The following PRKDC variants were observed in gnomAD, a reference collection of about 807,000 sequenced individuals.
The protein encoded by PRKDC is DNA-dependent protein kinase catalytic subunit.
PRKDC carries 82 observed loss-of-function variants against 486.9 expected under a neutral mutation model. That is an observed-to-expected ratio of 0.17 (90% confidence interval 0.14 to 0.20). PRKDC has a LOEUF of 0.20. Among genes scored for constraint, PRKDC ranks in the 10% least tolerant of loss-of-function variants. The pLI, the probability that PRKDC is intolerant of heterozygous loss-of-function variation, is 1.00. For synonymous variants in PRKDC, 1,895 were observed against 1,837.0 expected, an observed-to-expected ratio of 1.03 and a Z score of -0.81; for missense variants, 4,504 against 5,038.2, an observed-to-expected ratio of 0.89 and a Z score of 3.21.
At chr8:47,853,393 C>T (rs1211212181) in intron 51 of PRKDC, among the ~76,000 whole-genome samples, 2 of 152,192 alleles carry the variant, frequency 1.3e-5, no homozygotes, top group African/African-American at 2.4e-5. Flanking sequence ...GGGGCCAACA[C>T]GGAGGACCAA....
At position 47,776,864 on chromosome 8, in the gene PRKDC, G is replaced by C. The variant is rs1563728267; in HGVS notation, c.12162C>G (p.Ala4054=). 6.2e-7 allele frequency: 1 copy of C among 1,613,632 alleles called. No individual in the cohort carries two copies. The highest frequency in any genetic ancestry group is 8.5e-7 in the Non-Finnish European group (1 of 1,179,838). Reference sequence around the variant, plus strand: ...CTTACCAAGTAATGACTGCTGGATTGGCACCTGCTAACTTTCTCTTAGCGT... The same window carrying C: ...CTTACCAAGTAATGACTGCTGGATTCGCACCTGCTAACTTTCTCTTAGCGT... The part of the protein sequence containing the change: ...ICYAKRKLAG[A]NPAVITCDEL... The change falls in exon 85 of 86, where the codon GCC becomes GCG. Residue 4054 remains alanine, a synonymous_variant. Transcript: ENST00000314191.
intron 27 of PRKDC, among the ~76,000 whole-genome samples, chr8:47,901,793 G>A (rs1332136811): frequency 6.6e-6 from 1 of 152,132 alleles, no homozygotes; most frequent in African/African-American, 2.4e-5. Context: ...ACATGTGCAG[G>A]ATGTGAGGTT....
chr8:47,820,897 A>C lies in PRKDC; in HGVS notation c.9158T>G (p.Leu3053Arg). Residue 3053 changes from leucine (L) to arginine (R), a missense_variant, in exon 66 of 86, where the codon CTC becomes CGC. Leu to Arg is a moderately radical substitution (Grantham distance 102). Around this residue, in one of 6 missense-constraint regions of PRKDC, gnomAD observed 1,592 missense variants for 1,724.6 expected, o/e 0.92. Transcript: ENST00000314191. Reference sequence around the variant, plus strand: ...CAGGGACTGGTCAGCCTCTCCCTGGAGCAGCAGCTTCAGCTTGCTGCGGAT... The same window carrying C: ...CAGGGACTGGTCAGCCTCTCCCTGGCGCAGCAGCTTCAGCTTGCTGCGGAT... Reference protein sequence around the residue: ...YMIRSKLKLLLQGEADQSLLT... With the variant: ...YMIRSKLKLLRQGEADQSLLT... 1 of 1,608,834 alleles carries C rather than the reference A, an allele frequency of 6.2e-7. No individual in the cohort carries two copies.
chr8:47,937,593 T>G (rs983919238), intron 11 of PRKDC, among the ~76,000 whole-genome samples: 4 of 152,248 alleles, frequency 2.6e-5, no homozygotes, highest in Non-Finnish European at 4.4e-5. Flanking sequence ...CTAGGACTTC[T>G]GAATCTAGTC....
At chr8:47,791,292 T>C (rs1015480128) in intron 74 of PRKDC, among the ~76,000 whole-genome samples, 1 of 151,990 alleles carries the variant, frequency 6.6e-6, no homozygotes, top group African/African-American at 2.4e-5. Flanking sequence ...CTGGCCAACA[T>C]GGTGAAACCC....
At chr8:47,953,535 G>T in intron 7 of PRKDC, 85 bp downstream of exon 7, 2 of 1,269,236 alleles carry the variant, frequency 1.6e-6, no homozygotes, top group Non-Finnish European at 2.2e-6. Flanking sequence ...TTCAGGATTG[G>T]TTAAGAGTTC....
chr8:47,862,278 T>C, intron 43 of PRKDC, 95 bp downstream of exon 43: 1 of 1,409,502 alleles, frequency 7.1e-7, no homozygotes, highest in Non-Finnish European at 9.7e-7. Context: ...ACATCTTTAA[T>C]ATAAGATGGT....
chr8:47,859,553 T>A, intron 46 of PRKDC, 58 bp downstream of exon 46: 1 of 1,570,734 alleles, frequency 6.4e-7, no homozygotes, highest in Non-Finnish European at 8.7e-7. Context: ...GGCATAGCTG[T>A]GACCCCCTTT....
intron 12 of PRKDC, among the ~76,000 whole-genome samples, 176 bp from the exon 13 acceptor site, chr8:47,936,076 C>T (rs932796731): frequency 2.0e-5 from 3 of 151,828 alleles, no homozygotes; most frequent in Non-Finnish European, 4.4e-5. Context: ...AAAAAAAACA[C>T]ACACTCAGAG....
At chr8:47,957,491 C>T in intron 1 of PRKDC, 60 bp from the exon 2 acceptor site, 1 of 1,306,006 alleles carries the variant, frequency 7.7e-7, no homozygotes, top group Admixed American at 2.2e-5. Context: ...GTAAACCACT[C>T]CTAAAGGGGT....
At chr8:47,799,610 C>T (rs1465846612) in intron 71 of PRKDC, among the ~76,000 whole-genome samples, 1 of 152,092 alleles carries the variant, frequency 6.6e-6, no homozygotes, top group East Asian at 1.9e-4. Flanking sequence ...AAATGCAAGC[C>T]CAGCGCGGGC....
At chr8:47,844,879 A>G (rs1011057503) in intron 54 of PRKDC, among the ~76,000 whole-genome samples, 2 of 152,190 alleles carry the variant, frequency 1.3e-5, no homozygotes, top group Non-Finnish European at 2.9e-5. Context: ...AAATGCTGGA[A>G]AGACCTCAAA....
intron 73 of PRKDC, among the ~76,000 whole-genome samples, chr8:47,796,292 T>C (rs1227508215): frequency 1.3e-5 from 2 of 150,798 alleles, no homozygotes; most frequent in African/African-American, 4.9e-5. Flanking sequence ...CGAGCCGAGA[T>C]CACGCCACTG....
At chr8:47,835,024 A>G (rs895680288) in intron 58 of PRKDC, among the ~76,000 whole-genome samples, 6 of 152,104 alleles carry the variant, frequency 3.9e-5, no homozygotes, top group African/African-American at 1.4e-4. Flanking sequence ...CAGAATTTCA[A>G]TTGTGATTAT....
intron 77 of PRKDC, 68 bp downstream of exon 77, chr8:47,785,045 C>A: frequency 6.8e-7 from 1 of 1,473,644 alleles, no homozygotes; most frequent in Non-Finnish European, 9.4e-7. Flanking sequence ...ATTCCAGAAA[C>A]CACGAGTTCT....
chr8:47,935,927 A>C (rs1190412234), intron 12 of PRKDC, 27 bp from the exon 13 acceptor site: 1 of 1,591,056 alleles, frequency 6.3e-7, no homozygotes, highest in East Asian at 2.2e-5. Flanking sequence ...GCAAACCGTG[A>C]GTTAGAGGAG....
At chr8:47,939,773 A>G (rs1291871711) in intron 10 of PRKDC, 76 bp from the exon 11 acceptor site, 1 of 1,244,430 alleles carries the variant, frequency 8.0e-7, no homozygotes, top group Non-Finnish European at 1.1e-6. Flanking sequence ...AAAAACTAGA[A>G]CTGTTTAGAT....
intron 54 of PRKDC, among the ~76,000 whole-genome samples, chr8:47,848,907 T>C (rs1033049555): frequency 2.6e-5 from 4 of 152,170 alleles, no homozygotes; most frequent in Admixed American, 6.5e-5. Flanking sequence ...GCCACCTCCT[T>C]CATTTATGGA....
rs8178250 is a variant in PRKDC at position 47,778,407 on chromosome 8, T to G, written c.11853+52A>C. 3.4e-3 allele frequency: 5,311 copies of G among 1,561,296 alleles called. 13 individuals carry two copies. The highest frequency in any genetic ancestry group is 4.1e-3 in the Admixed American group (221 of 53,528). On this transcript the variant is annotated intron_variant, in intron 83 of 85. Coordinates refer to ENST00000314191, the MANE Select transcript of PRKDC (RefSeq NM_006904.7). ...GTCTATTTCTGGAGGTTGTTGAAAG[T>G]CCTATGATGACTCTCGCCTTGCCCA... is the stretch of plus-strand genomic sequence containing the variant.
Sources: allele counts gnomAD v4.1 joint callset (sites outside exome capture counted in the v4.1 genomes callset), GRCh38; gene constraint gnomAD v4.1.1; regional missense constraint gnomAD v4.1.1; transcripts MANE v1.5; gene names NCBI Gene and HGNC (gene_info 2026-07-23, HGNC 2026-07-21).